Variants in WDR43 observed in about 807,000 individuals in gnomAD.
WDR43 encodes the protein WD repeat-containing protein 43.
WDR43 carries 13 observed loss-of-function variants against 91.4 expected under a neutral mutation model. That is an observed-to-expected ratio of 0.14 (90% CI 0.09 to 0.23). The LOEUF (loss-of-function observed/expected upper bound fraction) is 0.23. Among genes scored for constraint, WDR43 ranks in the 10% least tolerant of loss-of-function variants. The probability of loss-of-function intolerance (pLI) is 1.00; values close to 1 mark genes in which losing one functional copy is unlikely to be tolerated. For synonymous variants in WDR43, 331 were observed against 287.9 expected (o/e 1.15, Z -1.51); for missense variants, 780 against 809.4 (o/e 0.96, Z 0.44).
chr2:28,927,825 GCTCT>G (rs1671171202), intron 10 of WDR43, 125 bp downstream of exon 10: 7 of 1,273,364 alleles, frequency 5.5e-6, no homozygotes, highest in Middle Eastern at 2.2e-4. Context: ...CTCCTGTTAT[GCTCT>G]CTTTTATCTT....
At chr2:28,942,291 C>T (rs1572605382) in intron 15 of WDR43, 21 bp from the exon 16 acceptor site, 1 of 1,610,590 alleles carries the variant, frequency 6.2e-7, no homozygotes, top group Non-Finnish European at 8.5e-7. Flanking sequence ...TACTTCAGAA[C>T]AGTACTTTAT....
chr2:28,923,403 T>C (rs1189109199), intron 7 of WDR43, among the ~76,000 whole-genome samples: 1 of 152,176 alleles, frequency 6.6e-6, no homozygotes. Flanking sequence ...CAAACCGGCT[T>C]GCAGGCCACA....
At chr2:28,907,861 G>A (rs947451763) in intron 3 of WDR43, among the ~76,000 whole-genome samples, 2 of 148,894 alleles carry the variant, frequency 1.3e-5, no homozygotes, top group Admixed American at 6.7e-5. Context: ...CCAAGATCAC[G>A]CCACTGCACT....
At chr2:28,901,059 G>A (rs929041658) in intron 1 of WDR43, among the ~76,000 whole-genome samples, 5 of 152,164 alleles carry the variant, frequency 3.3e-5, no homozygotes, top group East Asian at 1.9e-4. Context: ...ATGCCCATGC[G>A]TGCTGTAGAG....
At chr2:28,940,656 A>C (rs1043984650) in intron 14 of WDR43, among the ~76,000 whole-genome samples, 1 of 152,242 alleles carries the variant, frequency 6.6e-6, no homozygotes, top group African/African-American at 2.4e-5. Flanking sequence ...GAGGCATTTA[A>C]ATTTTTCCAG....
At chr2:28,921,375 C>T (rs903504443) in intron 6 of WDR43, among the ~76,000 whole-genome samples, 1 of 152,114 alleles carries the variant, frequency 6.6e-6, no homozygotes, top group Non-Finnish European at 1.5e-5. Context: ...ATCGGCCTGC[C>T]TCGGCCTCCC....
At chr2:28,895,009 G>T (rs922785416) in intron 1 of WDR43, 86 bp downstream of exon 1, 22 of 1,323,430 alleles carry the variant, frequency 1.7e-5, no homozygotes, top group Non-Finnish European at 2.0e-6. Context: ...GTCCGGCATC[G>T]CGCGTGGCTC....
At chr2:28,905,925 C>T (rs982288058) in intron 2 of WDR43, among the ~76,000 whole-genome samples, 6 of 152,158 alleles carry the variant, frequency 3.9e-5, no homozygotes, top group Admixed American at 2.0e-4. Context: ...TCCCAAAGTG[C>T]TGGGATTACA....
At position 28,947,550 on chromosome 2, in the gene WDR43, T is replaced by G. The variant is rs1414045099; in HGVS notation, c.*771T>G. ...ATTAGAAGTGCTCATTACCTGCAAC[T>G]TTTAAAAAAAATTCAGTTATAGCTG... On this transcript the variant is annotated 3_prime_UTR_variant, in exon 18 of 18. Coordinates refer to ENST00000407426, the MANE Select transcript of WDR43 (RefSeq NM_015131.3). The G allele has an allele frequency of 6.6e-6, 1 of 152,158 alleles. No homozygotes were observed. The highest frequency in any genetic ancestry group is 2.4e-5 in the African/African-American group (1 of 41,454). The allele number at this position is 152,158 out of a possible 1,614,324, so 9.4% of individuals were successfully genotyped here. A position where few individuals can be genotyped will look rare whatever the true frequency, so the allele number is the denominator to read the frequency against.
chr2:28,901,916 T>C, intron 1 of WDR43, 71 bp from the exon 2 acceptor site: 1 of 1,426,058 alleles, frequency 7.0e-7, no homozygotes, highest in Non-Finnish European at 9.3e-7. Flanking sequence ...GGTGGGCATT[T>C]GTATTTGTTC....
intron 11 of WDR43, among the ~76,000 whole-genome samples, chr2:28,934,231 A>G (rs543730299): frequency 1.3e-5 from 2 of 152,304 alleles, no homozygotes; most frequent in East Asian, 3.9e-4. Flanking sequence ...AAATTCTGGA[A>G]AAGCAGACCA....
Position 28,927,649 on chromosome 2 carries a change from T to A in WDR43, c.1254T>A (p.Ala418=), listed in dbSNP as rs1158387259. The part of the protein sequence containing the change: ...IPGHHAAIKP[A]PPQTEQVESK... ...GTCATCATGCAGCTATCAAGCCCGC[T>A]CCTCCACAAACCGAGCAAGTAGAGA... The change falls in exon 10 of 18, where the codon GCT becomes GCA. Residue 418 remains alanine (A), a synonymous_variant. Transcript: ENST00000407426. The A allele has an allele frequency of 6.2e-7, 1 of 1,613,870 alleles. No individual in the cohort carries two copies. The highest frequency in any genetic ancestry group is 1.7e-5 in the Admixed American group (1 of 59,996).
chr2:28,926,530 C>G lies in WDR43; in HGVS notation c.1149C>G (p.Pro383=), dbSNP rs373090159. The G allele has an allele frequency of 1.3e-6, 2 of 1,598,464 alleles. No homozygotes were observed. Among genetic ancestry groups the G allele is most frequent in the Admixed American group, 3.4e-5 (2 of 58,178 alleles). Residue 383 remains proline (P), a synonymous_variant, in exon 9 of 18, where the codon CCC becomes CCG. Coordinates refer to ENST00000407426, the MANE Select transcript of WDR43 (RefSeq NM_015131.3). ...GAGATATTTCAAACTGCTGGGCCCC[C>G]AAAGTAGAAACAGCTATAACAAAGG... The part of the protein sequence containing the change: ...LVRDISNCWA[P]KVETAITKVR...
At position 28,925,106 on chromosome 2, in the gene WDR43, T is replaced by C. The variant is rs199901863; in HGVS notation, c.1039T>C (p.Leu347=). The C allele has an allele frequency of 5.6e-6, 9 of 1,613,942 alleles. No individual in the cohort carries two copies. In the East Asian group the frequency reaches 1.8e-4, roughly 32 times the overall value. The change falls in exon 8 of 18, where the codon TTG becomes CTG. Residue 347 remains leucine, a synonymous_variant. Transcript: ENST00000407426. The stretch of plus-strand genomic sequence containing the variant: ...TGGTTTTTGCTCAGACAAAATGTCA[T>C]TGTTGCTTGTATATGGCAGTTGGTT... ...AAGFCSDKMS[L]LLVYGSWFQP... is the part of the protein sequence containing the mutation.
At chr2:28,938,205 C>G (rs1406186613) in intron 14 of WDR43, among the ~76,000 whole-genome samples, 22 of 152,074 alleles carry the variant, frequency 1.4e-4, no homozygotes, top group Admixed American at 1.4e-3. Context: ...AATTGGTCTT[C>G]CCCTCTGCCC....
intron 11 of WDR43, among the ~76,000 whole-genome samples, chr2:28,934,973 C>T (rs1053020650): frequency 6.6e-6 from 1 of 152,078 alleles, no homozygotes; most frequent in Non-Finnish European, 1.5e-5. Context: ...AGGACCGGAA[C>T]TGATCTGCTC....
chr2:28,919,384 A>G (rs893158157), intron 6 of WDR43, among the ~76,000 whole-genome samples: 2 of 152,172 alleles, frequency 1.3e-5, no homozygotes, highest in African/African-American at 4.8e-5. Flanking sequence ...GAAAAGTAGT[A>G]GGGGCTGGGC....
chr2:28,908,569 G>A (rs1670728181), intron 3 of WDR43, among the ~76,000 whole-genome samples: 1 of 151,188 alleles, frequency 6.6e-6, no homozygotes, highest in Admixed American at 6.6e-5. Context: ...TTCAACACGT[G>A]TGCGTTTTAT....
chr2:28,895,025 G>T, intron 1 of WDR43, 102 bp downstream of exon 1: 2 of 1,227,584 alleles, frequency 1.6e-6, no homozygotes, highest in Middle Eastern at 2.9e-4. Flanking sequence ...GGCTCTCAGC[G>T]GCCCGGGCCA....
Sources: gnomAD v4.1 joint callset for allele counts (sites outside exome capture counted in the v4.1 genomes callset) on GRCh38, gnomAD v4.1.1 for gene constraint, MANE v1.5 for transcripts, NCBI Gene and HGNC (gene_info 2026-07-23, HGNC 2026-07-21) for gene names.